DENND1A: variants seen among roughly 807,000 people sequenced by gnomAD.
The protein encoded by DENND1A is DENN domain-containing protein 1A.
DENND1A carries 51 observed loss-of-function variants against 113.7 expected under a neutral mutation model. The ratio of observed to expected loss-of-function variants is 0.45; its 90% CI spans 0.36 to 0.57. The LOEUF (loss-of-function observed/expected upper bound fraction) is 0.57. Among genes scored for constraint, DENND1A ranks in the 20% least tolerant of loss-of-function variants. The pLI, the probability that DENND1A is intolerant of heterozygous loss-of-function variation, is 0.00. For missense variants in DENND1A, 1,258 were observed against 1,395.9 expected, an observed-to-expected ratio of 0.90 and a Z score of 1.57; for synonymous variants, 565 against 570.8, an observed-to-expected ratio of 0.99 and a Z score of 0.14.
At chr9:123,634,969 G>A (rs2061635000) in intron 9 of DENND1A, among the ~76,000 whole-genome samples, 1 of 152,206 alleles carries the variant, frequency 6.6e-6, no homozygotes, top group African/African-American at 2.4e-5. Flanking sequence ...ATATCTCAGA[G>A]CTTTCTCTAT....
intron 1 of DENND1A, among the ~76,000 whole-genome samples, chr9:123,921,644 TTACTCA>T (rs1856272317): frequency 6.6e-6 from 1 of 152,222 alleles, no homozygotes; most frequent in Non-Finnish European, 1.5e-5. Context: ...ACTTCAAGTC[TTACTCA>T]TTCAATAAAG....
chr9:123,454,442 AAGG>A (rs1413276572), intron 16 of DENND1A, among the ~76,000 whole-genome samples: 3 of 152,294 alleles, frequency 2.0e-5, no homozygotes, highest in Non-Finnish European at 4.4e-5. Flanking sequence ...CTGGCCCTAG[AAGG>A]AGAACCCCCC....
chr9:123,807,065 T>C (rs548665344), intron 2 of DENND1A, among the ~76,000 whole-genome samples: 1 of 152,346 alleles, frequency 6.6e-6, no homozygotes, highest in East Asian at 1.9e-4. Context: ...AAATACATCA[T>C]TGCATTATGA....
intron 2 of DENND1A, among the ~76,000 whole-genome samples, chr9:123,828,241 A>G (rs776790587): frequency 9.2e-5 from 14 of 152,312 alleles, no homozygotes; most frequent in South Asian, 4.1e-4. Flanking sequence ...CTGATAAATT[A>G]GATTTTAGAA....
At chr9:123,420,445 C>T (rs1223651905) in intron 19 of DENND1A, among the ~76,000 whole-genome samples, 4 of 152,112 alleles carry the variant, frequency 2.6e-5, no homozygotes, top group East Asian at 1.9e-4. Context: ...TGCTCAGGAT[C>T]GAAGGGGGTC....
intron 1 of DENND1A, among the ~76,000 whole-genome samples, chr9:123,922,025 G>A (rs1197852424): frequency 6.6e-6 from 1 of 151,744 alleles, no homozygotes; most frequent in African/African-American, 2.4e-5. Flanking sequence ...GAGCTCTGTG[G>A]GAGCTCAAGT....
chr9:123,765,564 T>C (rs929733980), intron 4 of DENND1A, among the ~76,000 whole-genome samples: 1 of 152,072 alleles, frequency 6.6e-6, no homozygotes, highest in Non-Finnish European at 1.5e-5. Flanking sequence ...GCCAGTATAA[T>C]TTACAGGAAA....
chr9:123,474,033 C>T (rs1450204803), intron 13 of DENND1A, among the ~76,000 whole-genome samples: 2 of 134,212 alleles, frequency 1.5e-5, no homozygotes, highest in Non-Finnish European at 3.1e-5. Context: ...CTCGCTCTGT[C>T]TCCCAGGCTG....
At chr9:123,544,793 A>C (rs938516717) in intron 13 of DENND1A, among the ~76,000 whole-genome samples, 1 of 152,146 alleles carries the variant, frequency 6.6e-6, no homozygotes, top group East Asian at 1.9e-4. Context: ...CAAACAACTA[A>C]GGACATTATA....
chr9:123,733,443 C>T (rs552432666), intron 5 of DENND1A, among the ~76,000 whole-genome samples: 9 of 151,998 alleles, frequency 5.9e-5, no homozygotes, highest in Non-Finnish European at 1.2e-4. Flanking sequence ...CCACACCCAG[C>T]TAATTTTTAT....
intron 5 of DENND1A, among the ~76,000 whole-genome samples, chr9:123,716,734 T>A (rs1019089263): frequency 1.3e-5 from 2 of 152,130 alleles, no homozygotes; most frequent in African/African-American, 4.8e-5. Flanking sequence ...TTGTGACTTC[T>A]CCTAACTCAC....
intron 19 of DENND1A, among the ~76,000 whole-genome samples, chr9:123,438,529 T>C (rs1564488642): frequency 1.3e-5 from 2 of 152,082 alleles, no homozygotes; most frequent in African/African-American, 4.8e-5. Context: ...CGGCTGCAGC[T>C]GGAAGGGAGA....
chr9:123,728,476 T>TC (rs2067881008), intron 5 of DENND1A, among the ~76,000 whole-genome samples: 3 of 22,264 alleles, frequency 1.3e-4, no homozygotes, highest in African/African-American at 9.8e-4. Flanking sequence ...AAACTCTGTC[T>TC]CCCAAAAAAA....
At chr9:123,720,821 C>T (rs1161515369) in intron 5 of DENND1A, among the ~76,000 whole-genome samples, 1 of 152,164 alleles carries the variant, frequency 6.6e-6, no homozygotes, top group Non-Finnish European at 1.5e-5. Context: ...TTGGGGAACA[C>T]AAACAACTCA....
intron 5 of DENND1A, among the ~76,000 whole-genome samples, chr9:123,678,927 C>T (rs1404335042): frequency 3.3e-5 from 5 of 152,140 alleles, no homozygotes; most frequent in African/African-American, 7.2e-5. Flanking sequence ...AAATAAACCT[C>T]GGCCGAGTTA....
At position 123,381,111 on chromosome 9, in the gene DENND1A, T is replaced by G; in HGVS notation, c.*321A>C. ...TGGGACACTTCCGGGGGAAGGTGGGTAGGACTCGGTCTGGAGCAATATCAT... is the reference window on the plus strand; with the variant it reads ...TGGGACACTTCCGGGGGAAGGTGGGGAGGACTCGGTCTGGAGCAATATCAT... On this transcript the variant is annotated 3_prime_UTR_variant, in exon 24 of 24. Coordinates refer to ENST00000394215, the MANE Select transcript of DENND1A (RefSeq NM_001352964.2). The surrounding 1 kb of genome is among the most constrained non-coding windows in gnomAD (Gnocchi z 4.7). 1 of 319,878 alleles carries G rather than the reference T, an allele frequency of 3.1e-6. No individual in the cohort carries two copies. The allele number at this position is 319,878 out of a possible 1,614,324, so 19.8% of individuals were successfully genotyped here. A position where few individuals can be genotyped will look rare whatever the true frequency, so the allele number is the denominator to read the frequency against.
At chr9:123,458,659 T>C (rs1321704360) in intron 13 of DENND1A, among the ~76,000 whole-genome samples, 2 of 152,196 alleles carry the variant, frequency 1.3e-5, no homozygotes, top group Non-Finnish European at 2.9e-5. Flanking sequence ...GATAGGATTT[T>C]ATGCAGAAGC....
At chr9:123,400,304 C>G (rs973459032) in intron 21 of DENND1A, 3 of 152,256 alleles carry the variant, frequency 2.0e-5, no homozygotes, top group Non-Finnish European at 4.4e-5. Flanking sequence ...AACCAAGAGT[C>G]AGCATGGGGA....
chr9:123,646,010 T>C (rs890867073), intron 9 of DENND1A, among the ~76,000 whole-genome samples: 1 of 152,322 alleles, frequency 6.6e-6, no homozygotes, highest in South Asian at 2.1e-4. Flanking sequence ...CCACAGGCAC[T>C]GGGGGCACAG....
Sources: gnomAD v4.1 joint callset for allele counts (sites outside exome capture counted in the v4.1 genomes callset) on GRCh38, gnomAD v4.1.1 for gene constraint, Gnocchi (gnomAD v3.1) non-coding constraint, MANE v1.5 for transcripts, NCBI Gene and HGNC (gene_info 2026-07-23, HGNC 2026-07-21) for gene names.